Variants in MAP7 observed in about 807,000 individuals in gnomAD.
The protein encoded by MAP7 is microtubule associated protein 7, also known as ensconsin.
MAP7 carries 52 observed loss-of-function variants against 94.8 expected under a neutral mutation model. The observed-to-expected ratio is 0.55, with a 90% CI of 0.44 to 0.69. The LOEUF (loss-of-function observed/expected upper bound fraction) is 0.69, where lower values mean the gene tolerates loss of function less well. Ranked by LOEUF, MAP7 falls within the 30% of genes least tolerant of loss-of-function variation. MAP7 has a pLI of 0.00. For synonymous variants in MAP7, 350 were observed against 357.0 expected, an observed-to-expected ratio of 0.98 and a Z score of 0.22; for missense variants, 940 against 964.6, an observed-to-expected ratio of 0.97 and a Z score of 0.34.
chr6:136,487,493 T>A (rs1815145053), intron 1 of MAP7, among the ~76,000 whole-genome samples: 1 of 152,100 alleles, frequency 6.6e-6, no homozygotes, highest in African/African-American at 2.4e-5. Flanking sequence ...GAAGGACTGC[T>A]TGAGGCCAGG....
chr6:136,467,901 C>A (rs1238660654), intron 1 of MAP7, among the ~76,000 whole-genome samples: 2 of 152,182 alleles, frequency 1.3e-5, no homozygotes, highest in Non-Finnish European at 2.9e-5. Context: ...CCCCTTTGAG[C>A]AGTTGGACCT....
rs3839510 is a variant in MAP7, at chr6:136,419,568, AG to A, written c.166+2132del. Reference sequence around the variant, plus strand: ...TATAGTATAAAGAAGGCTGATATTCAGGCCCCCATGTGTACCTTAAGTAATA... The same window carrying A: ...TATAGTATAAAGAAGGCTGATATTCAGCCCCCATGTGTACCTTAAGTAATA... On this transcript the variant is annotated intron_variant, in intron 2 of 17. Transcript: ENST00000354570. Among the ~76,000 whole-genome samples the A allele has an allele frequency of 8.9e-3, 1,362 of 152,284 alleles. 58 individuals are homozygous for A. In the East Asian group the frequency reaches 0.13, roughly 15 times the overall value.
At chr6:136,546,310 G>GT (rs1829735104) in intron 1 of MAP7, among the ~76,000 whole-genome samples, 2 of 148,646 alleles carry the variant, frequency 1.3e-5, no homozygotes, top group African/African-American at 5.1e-5. Flanking sequence ...ACTGCCTCTG[G>GT]CCTTTTTTTT....
At chr6:136,365,598 A>G in intron 10 of MAP7, 137 bp downstream of exon 10, 2 of 847,916 alleles carry the variant, frequency 2.4e-6, no homozygotes, top group African/African-American at 1.7e-5. Flanking sequence ...ATACTTAAGG[A>G]AAGGTATTAA....
chr6:136,538,458 C>A (rs1165224149), intron 1 of MAP7, among the ~76,000 whole-genome samples: 2 of 152,030 alleles, frequency 1.3e-5, no homozygotes, highest in Non-Finnish European at 2.9e-5. Flanking sequence ...AGCAACATAA[C>A]CTATGTGGCA....
intron 3 of MAP7, among the ~76,000 whole-genome samples, chr6:136,399,209 C>T (rs73565417): frequency 0.037 from 5,578 of 152,234 alleles, 240 homozygotes; most frequent in African/African-American, 0.1. Flanking sequence ...CTTGGGAAAA[C>T]TAGCCAAACT....
At chr6:136,502,953 C>G (rs951502513) in intron 1 of MAP7, among the ~76,000 whole-genome samples, 2 of 152,102 alleles carry the variant, frequency 1.3e-5, no homozygotes, top group African/African-American at 2.4e-5. Context: ...CAAGTCTAAG[C>G]TTCCTCTTGT....
At chr6:136,456,691 GAAGA>G (rs775336360) in intron 1 of MAP7, among the ~76,000 whole-genome samples, 1,982 of 142,588 alleles carry the variant, frequency 0.014, 81 homozygotes, top group East Asian at 0.13. Flanking sequence ...AAAGAAGAAA[GAAGA>G]AAGAAGAAGA....
At chr6:136,451,205 A>G (rs1801004504) in intron 1 of MAP7, among the ~76,000 whole-genome samples, 1 of 152,162 alleles carries the variant, frequency 6.6e-6, no homozygotes, top group Admixed American at 6.5e-5. Context: ...ACCTCCCCAT[A>G]ACAGGTTTTC....
At chr6:136,482,590 G>A (rs1203863420) in intron 1 of MAP7, among the ~76,000 whole-genome samples, 2 of 145,418 alleles carry the variant, frequency 1.4e-5, no homozygotes, top group South Asian at 2.1e-4. Context: ...AACAGAGGGA[G>A]GCTCCATCTC....
intron 8 of MAP7, among the ~76,000 whole-genome samples, chr6:136,370,856 A>ATATGAATATTGGTTG: frequency 6.6e-6 from 1 of 151,780 alleles, no homozygotes; most frequent in Non-Finnish European, 1.5e-5. Flanking sequence ...AATATACTTA[A>ATATGAATATTGGTTG]CACTGCTGAA....
intron 8 of MAP7, among the ~76,000 whole-genome samples, chr6:136,371,154 A>G (rs1582704162): frequency 6.6e-6 from 1 of 152,158 alleles, no homozygotes; most frequent in East Asian, 1.9e-4. Flanking sequence ...AAAACAAAAC[A>G]AGGCTCTGGA....
At chr6:136,497,540 T>G (rs985359642) in intron 1 of MAP7, among the ~76,000 whole-genome samples, 4 of 141,678 alleles carry the variant, frequency 2.8e-5, no homozygotes, top group Non-Finnish European at 6.0e-5. Context: ...AAAAAAAAAA[T>G]GCAGATCCCA....
At chr6:136,382,298 G>C (rs1228635305) in intron 6 of MAP7, among the ~76,000 whole-genome samples, 2 of 152,144 alleles carry the variant, frequency 1.3e-5, no homozygotes, top group Non-Finnish European at 2.9e-5. Context: ...TCAGCTATGG[G>C]ATTGTAGAAG....
intron 6 of MAP7, among the ~76,000 whole-genome samples, chr6:136,380,409 G>A (rs1195889327): frequency 6.6e-6 from 1 of 152,154 alleles, no homozygotes; most frequent in Non-Finnish European, 1.5e-5. Context: ...TATTTTAAGT[G>A]TTGGCAATTA....
intron 6 of MAP7, 59 bp from the exon 7 acceptor site, chr6:136,377,927 T>C (rs764385833): frequency 8.3e-7 from 1 of 1,209,146 alleles, no homozygotes. Context: ...CAAGAGGGCA[T>C]AATACATCGT....
In MAP7 at chr6:136,366,445, T is replaced by C; in HGVS notation, c.877-6A>G. On this transcript the variant is annotated splice_polypyrimidine_tract_variant and splice_region_variant and intron_variant, in intron 8 of 17. Transcript: ENST00000354570. ...TCTCTTTCTTTTTTATAGCTCTAAG[T>C]TCAGAGAAACTCAATAGTTAGATTT... is the stretch of plus-strand genomic sequence containing the variant. The C allele has an allele frequency of 6.3e-7, 1 of 1,588,456 alleles. No homozygotes were observed. The highest frequency in any genetic ancestry group is 8.6e-7 in the Non-Finnish European group (1 of 1,156,818).
intron 1 of MAP7, among the ~76,000 whole-genome samples, chr6:136,497,570 G>A (rs1437534001): frequency 6.6e-6 from 1 of 151,034 alleles, no homozygotes; most frequent in Non-Finnish European, 1.5e-5. Context: ...GAGGCTGAAG[G>A]TGGGCAGATC....
At chr6:136,391,684 A>AAG (rs1254602103) in intron 3 of MAP7, among the ~76,000 whole-genome samples, 2 of 151,786 alleles carry the variant, frequency 1.3e-5, no homozygotes, top group Non-Finnish European at 2.9e-5. Context: ...AAAAAAAAAA[A>AAG]AGCATATAGT....
Sources: allele counts gnomAD v4.1 joint callset (sites outside exome capture counted in the v4.1 genomes callset), GRCh38; gene constraint gnomAD v4.1.1; transcripts MANE v1.5; gene names NCBI Gene and HGNC (gene_info 2026-07-23, HGNC 2026-07-21).